CAMK1D: variants seen among roughly 807,000 people sequenced by gnomAD.
The protein encoded by CAMK1D is calcium/calmodulin dependent protein kinase ID.
A neutral mutation model predicts 47.7 loss-of-function variants in CAMK1D; 9 were observed. The observed-to-expected ratio is 0.19, with a 90% CI of 0.11 to 0.33. CAMK1D has a LOEUF of 0.33. Ranked by LOEUF, CAMK1D falls within the 10% of genes least tolerant of loss-of-function variation. The pLI is 1.00. For synonymous variants in CAMK1D, 184 were observed against 184.9 expected, an observed-to-expected ratio of 0.99 and a Z score of 0.04; for missense variants, 291 against 488.7, an observed-to-expected ratio of 0.60 and a Z score of 3.81.
At chr10:12,351,568 C>G (rs1000839541) in intron 1 of CAMK1D, among the ~76,000 whole-genome samples, 1 of 152,222 alleles carries the variant, frequency 6.6e-6, no homozygotes, top group East Asian at 1.9e-4. Context: ...CCGAGCCCCC[C>G]ACACTGGCTT....
At chr10:12,368,382 G>A (rs1333125359) in intron 1 of CAMK1D, among the ~76,000 whole-genome samples, 2 of 151,806 alleles carry the variant, frequency 1.3e-5, no homozygotes, top group Non-Finnish European at 2.9e-5. Context: ...CTCTAGCCTG[G>A]GTCAAACAGC....
intron 2 of CAMK1D, among the ~76,000 whole-genome samples, chr10:12,576,378 G>A (rs1837488991): frequency 6.6e-6 from 1 of 152,184 alleles, no homozygotes; most frequent in South Asian, 2.1e-4. Flanking sequence ...CTACATGGAT[G>A]ACAGTTTTTC....
In CAMK1D at chr10:12,599,790, C is replaced by T. The variant is rs142714569; in HGVS notation, c.224+46434C>T. 2.2e-3 allele frequency among the ~76,000 whole-genome samples: 339 copies of T among 152,326 alleles called. 3 individuals are homozygous for T. Among genetic ancestry groups the T allele is most frequent in the African/African-American group, 7.8e-3 (326 of 41,574 alleles). The stretch of plus-strand genomic sequence containing the variant: ...CCCAGAGGAGGGCTTGCAGCCTCCC[C>T]ATTGCCAGCTTCTGGGGATGAGAAG... On this transcript the variant is annotated intron_variant, in intron 2 of 10. Coordinates refer to ENST00000619168, the MANE Select transcript of CAMK1D (RefSeq NM_153498.4).
intron 1 of CAMK1D, among the ~76,000 whole-genome samples, chr10:12,368,811 CTTTATTTA>C (rs568287191): frequency 1.3e-5 from 2 of 150,920 alleles, no homozygotes; most frequent in African/African-American, 4.9e-5. Context: ...AGGACGTTGA[CTTTATTTA>C]TTTATTTATT....
chr10:12,477,261 C>T (rs545979220), intron 1 of CAMK1D, among the ~76,000 whole-genome samples: 12 of 152,104 alleles, frequency 7.9e-5, no homozygotes, highest in African/African-American at 1.9e-4. Context: ...ACTAAAAATA[C>T]GAAAATTAAC....
At chr10:12,768,313 A>C (rs965679514) in intron 4 of CAMK1D, among the ~76,000 whole-genome samples, 28 of 152,252 alleles carry the variant, frequency 1.8e-4, no homozygotes, top group African/African-American at 6.7e-4. Flanking sequence ...TCCCAGCTTG[A>C]CTTTTCCCTC....
chr10:12,349,983 C>A, intron 1 of CAMK1D, 73 bp downstream of exon 1: 1 of 718,504 alleles, frequency 1.4e-6, no homozygotes, highest in Non-Finnish European at 2.1e-6. Flanking sequence ...CAGCTGCCGC[C>A]GCCGCCACTA....
chr10:12,429,502 G>A (rs746289614), intron 1 of CAMK1D, among the ~76,000 whole-genome samples: 1 of 152,048 alleles, frequency 6.6e-6, no homozygotes, highest in Admixed American at 6.6e-5. Flanking sequence ...ATCGTGCCTG[G>A]CTAATTTTTG....
chr10:12,676,650 A>G (rs1315336503), intron 3 of CAMK1D, among the ~76,000 whole-genome samples: 1 of 152,190 alleles, frequency 6.6e-6, no homozygotes, highest in African/African-American at 2.4e-5. Context: ...AGGTTGGATC[A>G]TTTACCCAAA....
intron 2 of CAMK1D, among the ~76,000 whole-genome samples, chr10:12,650,381 G>A (rs942952112): frequency 5.3e-5 from 8 of 152,230 alleles, no homozygotes; most frequent in African/African-American, 1.4e-4. Flanking sequence ...GACATTGGTC[G>A]TGCTGTGTCA....
chr10:12,622,489 C>T (rs1163890379), intron 2 of CAMK1D, among the ~76,000 whole-genome samples: 8 of 152,088 alleles, frequency 5.3e-5, no homozygotes, highest in African/African-American at 1.7e-4. Context: ...AATCCCATCT[C>T]TCCACCTGGC....
intron 1 of CAMK1D, among the ~76,000 whole-genome samples, chr10:12,479,322 G>T (rs546850215): frequency 6.6e-6 from 1 of 151,788 alleles, no homozygotes. Context: ...TCAGCCTCCC[G>T]AGTAGCTGGG....
intron 3 of CAMK1D, among the ~76,000 whole-genome samples, chr10:12,702,709 C>T (rs940854199): frequency 3.9e-5 from 6 of 152,176 alleles, no homozygotes; most frequent in Admixed American, 6.5e-5. Flanking sequence ...CTTATAGCCT[C>T]GTGGCCATGA....
In CAMK1D at chr10:12,825,596, C is replaced by T. The variant is rs746161066; in HGVS notation, c.945C>T (p.Val315=). Residue 315 remains valine, a synonymous_variant, in exon 10 of 11, where the codon GTC becomes GTT. Transcript: ENST00000619168. ...AGCAAGCATTTAATGCCACGGCCGT[C>T]GTCAGACATATGAGAAAACTACACC... ...KWRQAFNATA[V]VRHMRKLHLG... The T allele has an allele frequency of 8.1e-6, 13 of 1,609,840 alleles. 1 individual carries two copies. In the South Asian group the frequency reaches 8.9e-5, roughly 11 times the overall value.
Position 12,830,926 on chromosome 10 carries a change from A to AACAC in CAMK1D, c.*2075_*2078dup, listed in dbSNP as rs3995677. The AACAC allele has an allele frequency of 0.045, 4,656 of 103,768 alleles. 101 individuals are homozygous for AACAC. Among genetic ancestry groups the AACAC allele is most frequent in the African/African-American group, 0.066 (1,758 of 26,512 alleles). The allele number at this position is 103,768 out of a possible 1,614,324, so 6.4% of individuals were successfully genotyped here. On this transcript the variant is annotated 3_prime_UTR_variant, in exon 11 of 11. Coordinates refer to ENST00000619168, the MANE Select transcript of CAMK1D (RefSeq NM_153498.4). ...GTGATGCCCCCCCACCCTCTCAATA[A>AACAC]ACACACACACACACACACACACACA...
intron 2 of CAMK1D, among the ~76,000 whole-genome samples, chr10:12,644,023 T>C (rs1280507351): frequency 3.9e-5 from 6 of 152,186 alleles, no homozygotes; most frequent in Admixed American, 1.3e-4. Context: ...ATTATTTCAT[T>C]ATACATTACA....
chr10:12,697,833 A>G (rs1033093246), intron 3 of CAMK1D, among the ~76,000 whole-genome samples: 28 of 152,120 alleles, frequency 1.8e-4, no homozygotes, highest in African/African-American at 6.5e-4. Flanking sequence ...GAGGGTCTGG[A>G]GTAGAGGCTG....
At chr10:12,498,753 TCAGAC>T (rs1834615642) in intron 1 of CAMK1D, among the ~76,000 whole-genome samples, 1 of 152,092 alleles carries the variant, frequency 6.6e-6, no homozygotes, top group Non-Finnish European at 1.5e-5. Flanking sequence ...TAGCCGATCT[TCAGAC>T]CTTGGGGCCC....
At position 12,765,328 on chromosome 10, in the gene CAMK1D, G is replaced by C. The variant is rs112698568; in HGVS notation, c.438+4242G>C. 3.5e-3 allele frequency among the ~76,000 whole-genome samples: 532 copies of C among 152,200 alleles called. 1 individual carries two copies. Among genetic ancestry groups the C allele is most frequent in the African/African-American group, 0.011 (465 of 41,524 alleles). ...TTCAAGACCATTGCAATGCCATTGAGCTCAACTTGGAATACAGCTAGACGA... is the reference window on the plus strand; with the variant it reads ...TTCAAGACCATTGCAATGCCATTGACCTCAACTTGGAATACAGCTAGACGA... On this transcript the variant is annotated intron_variant, in intron 4 of 10. Transcript: ENST00000619168.
Sources: gnomAD v4.1 joint callset for allele counts (sites outside exome capture counted in the v4.1 genomes callset) on GRCh38, gnomAD v4.1.1 for gene constraint, MANE v1.5 for transcripts, NCBI Gene and HGNC (gene_info 2026-07-23, HGNC 2026-07-21) for gene names.